The following CUX2 variants were observed in gnomAD, a reference collection of about 807,000 sequenced individuals.
The protein encoded by CUX2 is homeobox protein cut-like 2.
Under a neutral mutation model 144.8 loss-of-function variants are expected in CUX2, and 40 were observed. That is an observed-to-expected ratio of 0.28 (90% CI 0.21 to 0.36). The LOEUF is 0.36. Among genes scored for constraint, CUX2 ranks in the 10% least tolerant of loss-of-function variants. The pLI is 1.00. For synonymous variants in CUX2, 827 were observed against 875.6 expected (o/e 0.94, Z 0.98); for missense variants, 1,615 against 1,994.0 (o/e 0.81, Z 3.62).
chr12:111,328,584 GT>G (rs1887928721), intron 18 of CUX2, among the ~76,000 whole-genome samples: 1 of 133,456 alleles, frequency 7.5e-6, no homozygotes, highest in African/African-American at 3.3e-5. Flanking sequence ...TTTCTTTTGT[GT>G]GTGTGTGTGT....
chr12:111,337,842 C>G (rs1888417839), intron 19 of CUX2, among the ~76,000 whole-genome samples: 1 of 152,116 alleles, frequency 6.6e-6, no homozygotes, highest in Non-Finnish European at 1.5e-5. Context: ...TTGAAACCAG[C>G]CTGGCCAACA....
rs2136357496 is a variant in CUX2, at chr12:111,304,057, C to G, written c.754-153C>G. 1.7e-6 allele frequency: 1 copy of G among 604,106 alleles called. No individual in the cohort carries two copies. Among genetic ancestry groups the G allele is most frequent in the Middle Eastern group, 4.5e-4 (1 of 2,232 alleles). The allele number at this position is 604,106 out of a possible 1,614,324, so 37.4% of individuals were successfully genotyped here. A position where few individuals can be genotyped will look rare whatever the true frequency, so the allele number is the denominator to read the frequency against. On this transcript the variant is annotated intron_variant, in intron 9 of 21. Transcript: ENST00000261726. This position sits in a 1 kb window ranked among gnomAD's most constrained non-coding sequence, Gnocchi z 4.7. ...GCCCAGACAGGGCTCTGTGACTGGT[C>G]TTCATAGCTCCAGGACAGGGTCCGG... is the stretch of plus-strand genomic sequence containing the variant.
rs12368067 is a variant in CUX2 at position 111,309,158 on chromosome 12, G to A, written c.1258+632G>A. Among the ~76,000 whole-genome samples the A allele has an allele frequency of 1.0e-3, 154 of 152,294 alleles. 3 individuals are homozygous for A. Among genetic ancestry groups the A allele is most frequent in the African/African-American group, 3.5e-3 (145 of 41,564 alleles). On this transcript the variant is annotated intron_variant, in intron 14 of 21. Transcript: ENST00000261726. The stretch of plus-strand genomic sequence containing the variant: ...GACCTCAGGTGATCCGCCTGCCTCA[G>A]CCTCCCAAAGTGCTGGGATTACAGG...
intron 1 of CUX2, among the ~76,000 whole-genome samples, chr12:111,102,069 T>G (rs1193745517): frequency 6.6e-6 from 1 of 152,232 alleles, no homozygotes; most frequent in African/African-American, 2.4e-5. Context: ...TCACACAATG[T>G]GTAACCCACT....
chr12:111,161,999 G>A (rs1024489599), intron 1 of CUX2, among the ~76,000 whole-genome samples: 3 of 152,224 alleles, frequency 2.0e-5, no homozygotes, highest in Non-Finnish European at 4.4e-5. Context: ...GCCTCCCAAA[G>A]CACTGGGATT....
Position 111,171,923 on chromosome 12 carries a change from G to A in CUX2, c.64-42277G>A, listed in dbSNP as rs3809297. On this transcript the variant is annotated intron_variant, in intron 1 of 21. Coordinates refer to ENST00000261726, the MANE Select transcript of CUX2 (RefSeq NM_015267.4). The surrounding 1 kb of genome is among the most constrained non-coding windows in gnomAD (Gnocchi z 5.0). ...CAGCATATGCACTCTCTGTGTGTGCGTGTGCCTGTGCCTGTGTACACGTGC... is the reference window on the plus strand; with the variant it reads ...CAGCATATGCACTCTCTGTGTGTGCATGTGCCTGTGCCTGTGTACACGTGC... Among the ~76,000 whole-genome samples, 2 of 152,102 alleles carry A rather than the reference G, an allele frequency of 1.3e-5. No homozygotes were observed. The highest frequency in any genetic ancestry group is 1.9e-4 in the East Asian group (1 of 5,198).
At chr12:111,142,208 C>T (rs1165240565) in intron 1 of CUX2, among the ~76,000 whole-genome samples, 1 of 152,180 alleles carries the variant, frequency 6.6e-6, no homozygotes, top group Non-Finnish European at 1.5e-5. Flanking sequence ...ATCATGCTGA[C>T]ATGAGCCACA....
intron 1 of CUX2, among the ~76,000 whole-genome samples, chr12:111,140,070 A>G (rs1436083487): frequency 2.0e-5 from 3 of 152,200 alleles, no homozygotes; most frequent in African/African-American, 4.8e-5. Context: ...TGGCATTTCC[A>G]GTAACTTCTC....
At chr12:111,326,458 G>C (rs1327013016) in intron 18 of CUX2, among the ~76,000 whole-genome samples, 1 of 151,466 alleles carries the variant, frequency 6.6e-6, no homozygotes, top group African/African-American at 2.4e-5. Context: ...GGTGGGGTAG[G>C]GGTTGGTTTT....
At chr12:111,291,575 G>A in intron 5 of CUX2, 23 bp downstream of exon 5, 1 of 1,576,542 alleles carries the variant, frequency 6.3e-7, no homozygotes, top group Non-Finnish European at 8.6e-7. Flanking sequence ...CCTTCTCGGA[G>A]CGTCTACAAT....
At chr12:111,298,868 G>A (rs928606061) in intron 9 of CUX2, among the ~76,000 whole-genome samples, 4 of 152,258 alleles carry the variant, frequency 2.6e-5, no homozygotes, top group East Asian at 3.9e-4. Flanking sequence ...GGAAGGGGCC[G>A]CTGACCCAGA....
At chr12:111,159,232 A>G (rs1350661000) in intron 1 of CUX2, among the ~76,000 whole-genome samples, 2 of 152,040 alleles carry the variant, frequency 1.3e-5, no homozygotes, top group Non-Finnish European at 2.9e-5. Flanking sequence ...CTGCAACCCC[A>G]GCCACCTGGG....
At chr12:111,218,507 C>A (rs184221099) in intron 3 of CUX2, among the ~76,000 whole-genome samples, 1 of 152,094 alleles carries the variant, frequency 6.6e-6, no homozygotes, top group Non-Finnish European at 1.5e-5. Flanking sequence ...CAGAGCGAGA[C>A]CCTGTCTCTA....
chr12:111,282,662 G>A (rs953743338), intron 4 of CUX2, among the ~76,000 whole-genome samples: 1 of 151,048 alleles, frequency 6.6e-6, no homozygotes. Context: ...ACACAGAACA[G>A]GAGGCTTAAA....
rs551151258 is a variant in CUX2, at chr12:111,312,727, C to T, written c.2002+526C>T. Among the ~76,000 whole-genome samples, 1 of 152,134 alleles carries T rather than the reference C, an allele frequency of 6.6e-6. No homozygotes were observed. Among genetic ancestry groups the T allele is most frequent in the South Asian group, 2.1e-4 (1 of 4,818 alleles). ...AAAAAAAAAGAAAAATATCCCAAGA[C>T]TCGACAAGGCCTACAGGCCCTACAG... On this transcript the variant is annotated intron_variant, in intron 16 of 21. Transcript: ENST00000261726. This position sits in a 1 kb window ranked among gnomAD's most constrained non-coding sequence, Gnocchi z 4.3.
chr12:111,279,007 T>C (rs1202245722), intron 4 of CUX2, among the ~76,000 whole-genome samples: 1 of 152,046 alleles, frequency 6.6e-6, no homozygotes, highest in Non-Finnish European at 1.5e-5. Context: ...AAGAAATGAG[T>C]TCCCTGTACA....
chr12:111,331,695 G>A (rs1313446195), intron 18 of CUX2, among the ~76,000 whole-genome samples: 3 of 152,028 alleles, frequency 2.0e-5, no homozygotes, highest in Non-Finnish European at 4.4e-5. Flanking sequence ...AAGGACGGAG[G>A]CTTGGCAAAG....
chr12:111,290,419 GC>G (rs1401061866), intron 4 of CUX2, among the ~76,000 whole-genome samples: 1 of 151,736 alleles, frequency 6.6e-6, no homozygotes, highest in African/African-American at 2.4e-5. Context: ...GTGCCACCAT[GC>G]CCAGCTAATT....
Position 111,134,594 on chromosome 12 carries a change from TTC to T in CUX2, c.64-79580_64-79579del, listed in dbSNP as rs370486043. On this transcript the variant is annotated intron_variant, in intron 1 of 21. Coordinates refer to ENST00000261726, the MANE Select transcript of CUX2 (RefSeq NM_015267.4). Reference sequence around the variant, plus strand: ...GAGAAACAGAACCAATAAGATCTCTTTCTCTCTCTCTCTCTCTCTCTCTCTCT... The same window carrying T: ...GAGAAACAGAACCAATAAGATCTCTTTCTCTCTCTCTCTCTCTCTCTCTCT... Among the ~76,000 whole-genome samples, 1,064 of 143,302 alleles carry T rather than the reference TTC, an allele frequency of 7.4e-3. 9 individuals are homozygous for T. The highest frequency in any genetic ancestry group is 0.02 in the African/African-American group (780 of 38,982). 94.0% of individuals were successfully genotyped at this position (143,302 alleles called of 152,430 possible).
Sources: gnomAD v4.1 joint callset for allele counts (sites outside exome capture counted in the v4.1 genomes callset) on GRCh38, gnomAD v4.1.1 for gene constraint, Gnocchi (gnomAD v3.1) non-coding constraint, MANE v1.5 for transcripts, NCBI Gene and HGNC (gene_info 2026-07-23, HGNC 2026-07-21) for gene names.